The following SGCZ variants were observed in gnomAD, a reference collection of about 807,000 sequenced individuals.
The protein encoded by SGCZ is sarcoglycan zeta.
SGCZ carries 40 observed loss-of-function variants against 41.3 expected under a neutral mutation model. The ratio of observed to expected loss-of-function variants is 0.97; its 90% confidence interval spans 0.75 to 1.26. The LOEUF is 1.26. Among genes scored for constraint, SGCZ ranks in the 50% most tolerant of loss-of-function variants. The pLI, the probability that SGCZ is intolerant of heterozygous loss-of-function variation, is 0.00. For synonymous variants in SGCZ, 206 were observed against 137.5 expected, an observed-to-expected ratio of 1.50 and a Z score of -3.49; for missense variants, 552 against 369.8, an observed-to-expected ratio of 1.49 and a Z score of -4.04.
chr8:15,059,106 C>T (rs946872727), intron 1 of SGCZ, among the ~76,000 whole-genome samples: 8 of 151,928 alleles, frequency 5.3e-5, no homozygotes, highest in East Asian at 1.9e-4. Context: ...AAAGTTGTTA[C>T]GATATGTTTC....
rs75331326 is a variant in SGCZ at position 14,333,025 on chromosome 8, T to G, written c.235-8821A>C. Among the ~76,000 whole-genome samples the G allele has an allele frequency of 8.0e-3, 1,209 of 151,894 alleles. 12 individuals carry two copies. The highest frequency in any genetic ancestry group is 0.027 in the African/African-American group (1,112 of 41,478). On this transcript the variant is annotated intron_variant, in intron 2 of 7. Transcript: ENST00000382080. ...AGTAGGAACACTTGGAACACATACATATTTTAAATTCAATATTTTTGAGAA... is the reference window on the plus strand; with the variant it reads ...AGTAGGAACACTTGGAACACATACAGATTTTAAATTCAATATTTTTGAGAA...
chr8:14,777,852 T>C (rs1800461940), intron 1 of SGCZ, among the ~76,000 whole-genome samples: 1 of 151,624 alleles, frequency 6.6e-6, no homozygotes, highest in South Asian at 2.1e-4. Flanking sequence ...TATACAGAAG[T>C]TATTTGTACA....
rs1181170972 is a variant in SGCZ, at chr8:14,741,857, T to C, written c.40-186931A>G. ...GATTTAAGAAGTAGAACAGTATCAA[T>C]ATCAACTTCTCTTTTAATAACTCAA... is the stretch of plus-strand genomic sequence containing the variant. On this transcript the variant is annotated intron_variant, in intron 1 of 7. Transcript: ENST00000382080. Among the ~76,000 whole-genome samples, 4 of 151,906 alleles carry C rather than the reference T, an allele frequency of 2.6e-5. No individual in the cohort carries two copies. In the Admixed American group the frequency reaches 2.6e-4, roughly 10 times the overall value.
intron 6 of SGCZ, among the ~76,000 whole-genome samples, 162 bp downstream of exon 6, chr8:14,108,001 C>CTT (rs200249206): frequency 1.3e-5 from 2 of 151,268 alleles, no homozygotes; most frequent in Non-Finnish European, 1.5e-5. Flanking sequence ...TTTGCCTTTT[C>CTT]TTTTTTTTTC....
At chr8:14,975,809 A>ATATATATGTGTGTGTGTG (rs1181919961) in intron 1 of SGCZ, among the ~76,000 whole-genome samples, 1 of 131,920 alleles carries the variant, frequency 7.6e-6, no homozygotes, top group African/African-American at 3.4e-5. Context: ...ATATATATAT[A>ATATATATGTGTGTGTGTG]TGTGTGTGTG....
rs532152255 is a variant in SGCZ, at chr8:14,943,904, G to A, written c.39+293681C>T. On this transcript the variant is annotated intron_variant, in intron 1 of 7. Transcript: ENST00000382080. ...CTCTAACCATGTTACTGCAAAGGAC[G>A]TAATCTTGTTCTTTTTTATGGGTGT... Among the ~76,000 whole-genome samples the A allele has an allele frequency of 2.0e-3, 311 of 152,176 alleles. 1 individual carries two copies. Among genetic ancestry groups the A allele is most frequent in the African/African-American group, 7.0e-3 (292 of 41,514 alleles).
At chr8:14,303,766 C>T (rs1244154689) in intron 3 of SGCZ, among the ~76,000 whole-genome samples, 1 of 151,942 alleles carries the variant, frequency 6.6e-6, no homozygotes, top group Admixed American at 6.6e-5. Context: ...TATCTACATA[C>T]ATATGTATAT....
intron 1 of SGCZ, among the ~76,000 whole-genome samples, chr8:14,897,656 A>T (rs60094435): frequency 6.6e-6 from 1 of 152,192 alleles, no homozygotes; most frequent in Non-Finnish European, 1.5e-5. Flanking sequence ...GGCATAATTC[A>T]TATGTCCCTG....
intron 1 of SGCZ, among the ~76,000 whole-genome samples, chr8:15,069,202 G>C (rs1311498441): frequency 2.0e-5 from 3 of 151,890 alleles, no homozygotes; most frequent in Non-Finnish European, 4.4e-5. Flanking sequence ...TTTCTTGTTT[G>C]TTTTGTTTTT....
At chr8:14,559,553 C>T (rs1170286388) in intron 1 of SGCZ, among the ~76,000 whole-genome samples, 1 of 152,082 alleles carries the variant, frequency 6.6e-6, no homozygotes, top group Non-Finnish European at 1.5e-5. Flanking sequence ...AACGACCATA[C>T]TTCCCAAAGC....
At chr8:15,091,707 A>G (rs1396094727) in intron 1 of SGCZ, among the ~76,000 whole-genome samples, 1 of 152,152 alleles carries the variant, frequency 6.6e-6, no homozygotes, top group Admixed American at 6.5e-5. Flanking sequence ...ACCCATTGTT[A>G]TAGACATTAT....
chr8:14,399,176 T>C (rs1202474713), intron 2 of SGCZ, among the ~76,000 whole-genome samples: 1 of 152,142 alleles, frequency 6.6e-6, no homozygotes, highest in Admixed American at 6.6e-5. Flanking sequence ...TTGTTGTGTA[T>C]CTTTCATCAG....
intron 1 of SGCZ, among the ~76,000 whole-genome samples, chr8:14,796,484 T>C (rs1274744955): frequency 1.3e-5 from 2 of 152,190 alleles, no homozygotes; most frequent in African/African-American, 4.8e-5. Context: ...GTATTTTCTT[T>C]ATGAACACTT....
At chr8:15,026,071 TC>T in intron 1 of SGCZ, among the ~76,000 whole-genome samples, 1 of 152,208 alleles carries the variant, frequency 6.6e-6, no homozygotes, top group Non-Finnish European at 1.5e-5. Flanking sequence ...CCACGCGTTT[TC>T]TTTTTAGACT....
chr8:14,247,444 T>A (rs1178546991), intron 3 of SGCZ, among the ~76,000 whole-genome samples: 1 of 152,186 alleles, frequency 6.6e-6, no homozygotes, highest in East Asian at 1.9e-4. Flanking sequence ...GGGTAATCTA[T>A]CACTTCCTGT....
intron 3 of SGCZ, among the ~76,000 whole-genome samples, chr8:14,268,324 A>G (rs934718067): frequency 1.3e-5 from 2 of 149,568 alleles, no homozygotes; most frequent in Admixed American, 6.7e-5. Context: ...AAAGCAAATC[A>G]ATGATAACAT....
chr8:15,108,669 C>G (rs1215206949), intron 1 of SGCZ, among the ~76,000 whole-genome samples: 3 of 152,104 alleles, frequency 2.0e-5, no homozygotes. Context: ...TGTGACCCAT[C>G]TCTAAACCTG....
intron 1 of SGCZ, among the ~76,000 whole-genome samples, chr8:15,042,489 T>C (rs1273220996): frequency 6.6e-6 from 1 of 152,198 alleles, no homozygotes; most frequent in Non-Finnish European, 1.5e-5. Flanking sequence ...AATAGCTCAT[T>C]ATATTTCCTC....
chr8:14,993,897 C>G (rs1802113715), intron 1 of SGCZ, among the ~76,000 whole-genome samples: 2 of 152,124 alleles, frequency 1.3e-5, no homozygotes, highest in Admixed American at 1.3e-4. Context: ...CGTCATATGA[C>G]TTTGCTTAGA....
Sources: allele counts gnomAD v4.1 joint callset (sites outside exome capture counted in the v4.1 genomes callset), GRCh38; gene constraint gnomAD v4.1.1; transcripts MANE v1.5; gene names NCBI Gene and HGNC (gene_info 2026-07-23, HGNC 2026-07-21).